Variants in KHDRBS2 observed in about 807,000 individuals in gnomAD.
KHDRBS2 encodes KH RNA binding domain containing, signal transduction associated 2.
Under a neutral mutation model 44.3 loss-of-function variants are expected in KHDRBS2, and 26 were observed. That is an observed-to-expected ratio of 0.59 (90% CI 0.43 to 0.81). The LOEUF (loss-of-function observed/expected upper bound fraction) is 0.81, where lower values mean the gene tolerates loss of function less well. KHDRBS2 is among the 40% of genes least tolerant of loss of function. The pLI is 0.00. For synonymous variants in KHDRBS2, 194 were observed against 151.1 expected (o/e 1.28, Z -2.08); for missense variants, 476 against 433.1 (o/e 1.10, Z -0.88).
At position 61,848,469 on chromosome 6, in the gene KHDRBS2, T is replaced by TTTTATA. The variant is rs1251761353; in HGVS notation, c.810+46165_810+46166insTATAAA. Among the ~76,000 whole-genome samples the TTTTATA allele has an allele frequency of 2.5e-3, 181 of 73,680 alleles. 10 individuals are homozygous for TTTTATA. Among genetic ancestry groups the TTTTATA allele is most frequent in the African/African-American group, 0.012 (172 of 14,956 alleles). The allele number at this position is 73,680 out of a possible 152,430, so 48.3% of individuals were successfully genotyped here. On this transcript the variant is annotated intron_variant, in intron 6 of 8. Transcript: ENST00000281156. ...GGTTATATTGAGAGAAATGGAGGTT[T>TTTTATA]TATATATATATATATATATATGTAT... is the stretch of plus-strand genomic sequence containing the variant.
chr6:62,183,712 G>A (rs772713193), intron 1 of KHDRBS2, among the ~76,000 whole-genome samples: 2 of 151,416 alleles, frequency 1.3e-5, no homozygotes, highest in South Asian at 2.1e-4. Flanking sequence ...CATGGAATTC[G>A]TCTGTGAAGA....
At chr6:62,266,975 A>G (rs1839314881) in intron 1 of KHDRBS2, among the ~76,000 whole-genome samples, 1 of 151,994 alleles carries the variant, frequency 6.6e-6, no homozygotes, top group Non-Finnish European at 1.5e-5. Context: ...AGCTAGTTTC[A>G]GTGCTGGGAA....
chr6:61,648,919 G>C, the KHDRBS2 span, among the ~76,000 whole-genome samples: 1 of 152,060 alleles, frequency 6.6e-6, no homozygotes, highest in Non-Finnish European at 1.5e-5. Context: ...TCTATGCTAA[G>C]TATTTCCATC....
At chr6:61,685,985 T>C (rs182983096) in intron 8 of KHDRBS2, among the ~76,000 whole-genome samples, 1 of 151,816 alleles carries the variant, frequency 6.6e-6, no homozygotes, top group Admixed American at 6.6e-5. Flanking sequence ...AAGCAAACTT[T>C]TAATGTTTAT....
chr6:61,847,390 T>G (rs1173184422), intron 6 of KHDRBS2, among the ~76,000 whole-genome samples: 1 of 152,178 alleles, frequency 6.6e-6, no homozygotes, highest in Non-Finnish European at 1.5e-5. Context: ...ACTTGGGAGC[T>G]AACTTTGGTG....
intron 7 of KHDRBS2, among the ~76,000 whole-genome samples, chr6:61,713,224 A>G (rs1770823800): frequency 6.6e-6 from 1 of 151,732 alleles, no homozygotes; most frequent in East Asian, 1.9e-4. Flanking sequence ...ACTTTAATGT[A>G]CCATATTTGT....
chr6:61,615,233 C>CAAAAAAAAAAA, the KHDRBS2 span, among the ~76,000 whole-genome samples: 60 of 58,382 alleles, frequency 1.0e-3, no homozygotes, highest in African/African-American at 2.2e-3. Flanking sequence ...ACTCCATCTC[C>CAAAAAAAAAAA]AAAAAAAAAA....
intron 8 of KHDRBS2, among the ~76,000 whole-genome samples, chr6:61,691,947 C>G (rs1256444714): frequency 6.6e-6 from 1 of 152,082 alleles, no homozygotes; most frequent in Non-Finnish European, 1.5e-5. Flanking sequence ...CTCCTTGCTT[C>G]CACACAGCTG....
chr6:61,646,841 A>G, the KHDRBS2 span, among the ~76,000 whole-genome samples: 1 of 152,100 alleles, frequency 6.6e-6, no homozygotes, highest in Admixed American at 6.6e-5. Flanking sequence ...ATTTTTTGAG[A>G]CTGAGTCTCA....
chr6:62,089,375 G>T (rs1799065327), intron 2 of KHDRBS2, among the ~76,000 whole-genome samples: 1 of 152,140 alleles, frequency 6.6e-6, no homozygotes, highest in Admixed American at 6.6e-5. Context: ...GCACCTGAGG[G>T]AATCTCCTGG....
chr6:61,727,377 T>C (rs1773745408), intron 7 of KHDRBS2, among the ~76,000 whole-genome samples: 1 of 152,112 alleles, frequency 6.6e-6, no homozygotes, highest in Non-Finnish European at 1.5e-5. Flanking sequence ...CAGGCAAAGA[T>C]TTCATGCTGA....
intron 7 of KHDRBS2, among the ~76,000 whole-genome samples, chr6:61,697,471 C>T (rs1768035296): frequency 6.6e-6 from 1 of 151,962 alleles, no homozygotes; most frequent in African/African-American, 2.4e-5. Flanking sequence ...TTCTTTCTCT[C>T]TATCCACCAA....
intron 2 of KHDRBS2, among the ~76,000 whole-genome samples, chr6:62,163,351 T>C (rs1818028905): frequency 6.6e-6 from 1 of 152,038 alleles, no homozygotes. Flanking sequence ...ATGGAAAAAC[T>C]GAACAGCAAT....
intron 6 of KHDRBS2, among the ~76,000 whole-genome samples, chr6:61,858,411 T>A (rs1796450574): frequency 6.6e-6 from 1 of 151,924 alleles, no homozygotes; most frequent in Non-Finnish European, 1.5e-5. Flanking sequence ...TTTTTTTATT[T>A]CTCAATATTA....
intron 1 of KHDRBS2, among the ~76,000 whole-genome samples, chr6:62,199,604 A>T (rs1826475105): frequency 6.6e-6 from 1 of 152,234 alleles, no homozygotes; most frequent in African/African-American, 2.4e-5. Flanking sequence ...CAAATGGAAG[A>T]AAATTCCATG....
At chr6:61,603,208 A>G in the KHDRBS2 span, among the ~76,000 whole-genome samples, 1 of 152,054 alleles carries the variant, frequency 6.6e-6, no homozygotes, top group Non-Finnish European at 1.5e-5. Context: ...CTGTCCTAAA[A>G]CCAGACAGGC....
chr6:61,555,775 G>T, the KHDRBS2 span, among the ~76,000 whole-genome samples: 122,056 of 151,980 alleles, frequency 0.8, 49,456 homozygotes, highest in African/African-American at 0.9. Context: ...CTGGTAGATT[G>T]TTTTTTGGAG....
At chr6:61,579,113 T>C in the KHDRBS2 span, among the ~76,000 whole-genome samples, 1 of 152,134 alleles carries the variant, frequency 6.6e-6, no homozygotes, top group East Asian at 1.9e-4. Context: ...GGATTACCAG[T>C]AGTATAGAGA....
At chr6:61,994,541 C>A (rs1407293570) in intron 3 of KHDRBS2, among the ~76,000 whole-genome samples, 1 of 152,128 alleles carries the variant, frequency 6.6e-6, no homozygotes, top group Non-Finnish European at 1.5e-5. Context: ...ATTTAAAATG[C>A]ACCTTCTTGT....
Sources: gnomAD v4.1 joint callset for allele counts (sites outside exome capture counted in the v4.1 genomes callset) on GRCh38, gnomAD v4.1.1 for gene constraint, MANE v1.5 for transcripts, NCBI Gene and HGNC (gene_info 2026-07-23, HGNC 2026-07-21) for gene names.